ECPAS: variants seen among roughly 807,000 people sequenced by gnomAD.
ECPAS encodes Ecm29 proteasome adaptor and scaffold.
Under a neutral mutation model 255.1 loss-of-function variants are expected in ECPAS, and 70 were observed. That is an observed-to-expected ratio of 0.27 (90% CI 0.23 to 0.33). The LOEUF (loss-of-function observed/expected upper bound fraction) is 0.33. Among genes scored for constraint, ECPAS ranks in the 10% least tolerant of loss-of-function variants. The pLI is 1.00. For synonymous variants in ECPAS, 784 were observed against 775.0 expected (o/e 1.01, Z -0.19); for missense variants, 1,817 against 2,206.4 (o/e 0.82, Z 3.54).
At chr9:111,439,430 G>C (rs776772114) in intron 6 of ECPAS, among the ~76,000 whole-genome samples, 6 of 151,972 alleles carry the variant, frequency 3.9e-5, no homozygotes, top group Admixed American at 6.6e-5. Context: ...CATGAGGGCT[G>C]ACTAATTTTT....
chr9:111,419,851 T>C (rs1246726861), intron 16 of ECPAS, among the ~76,000 whole-genome samples, 166 bp downstream of exon 16: 5 of 150,636 alleles, frequency 3.3e-5, no homozygotes, highest in African/African-American at 1.2e-4. Flanking sequence ...ACTATATAAA[T>C]ATATAGGTAT....
chr9:111,395,373 CAAT>C (rs1308862243), intron 25 of ECPAS, among the ~76,000 whole-genome samples: 5 of 152,156 alleles, frequency 3.3e-5, no homozygotes, highest in Admixed American at 2.6e-4. Context: ...CTGTAACCAA[CAAT>C]GACATCCAAA....
At chr9:111,449,741 GC>G (rs2098257812) in intron 3 of ECPAS, among the ~76,000 whole-genome samples, 1 of 152,090 alleles carries the variant, frequency 6.6e-6, no homozygotes, top group African/African-American at 2.4e-5. Flanking sequence ...TCTTTCTCCA[GC>G]CAACAGCTAG....
chr9:111,381,049 C>T (rs1334140512), intron 35 of ECPAS, among the ~76,000 whole-genome samples: 1 of 152,226 alleles, frequency 6.6e-6, no homozygotes, highest in Non-Finnish European at 1.5e-5. Context: ...GCACTTTAAA[C>T]TTCGTTTAAG....
At chr9:111,403,191 G>GAAAAA (rs34002065) in intron 24 of ECPAS, among the ~76,000 whole-genome samples, 1 of 120,860 alleles carries the variant, frequency 8.3e-6, no homozygotes, top group Non-Finnish European at 1.7e-5. Context: ...CATCTCTACT[G>GAAAAA]AAAAAAAAAA....
intron 34 of ECPAS, among the ~76,000 whole-genome samples, chr9:111,383,960 TG>T (rs2098143827): frequency 9.9e-6 from 1 of 100,934 alleles, no homozygotes; most frequent in African/African-American, 4.2e-5. Flanking sequence ...AAAGAAGTTT[TG>T]AAGTGTTATC....
At chr9:111,459,882 T>C (rs1311801047) in intron 2 of ECPAS, among the ~76,000 whole-genome samples, 1 of 152,124 alleles carries the variant, frequency 6.6e-6, no homozygotes, top group Non-Finnish European at 1.5e-5. Context: ...TCATAACTTC[T>C]TCCAGAGAAG....
At chr9:111,393,167 G>A (rs2098162767) in intron 27 of ECPAS, among the ~76,000 whole-genome samples, 1 of 152,200 alleles carries the variant, frequency 6.6e-6, no homozygotes, top group African/African-American at 2.4e-5. Flanking sequence ...TGCAGCGACA[G>A]ATTATCCATG....
chr9:111,372,327 C>G, intron 42 of ECPAS, 102 bp downstream of exon 42: 1 of 1,112,764 alleles, frequency 9.0e-7, no homozygotes. Flanking sequence ...TATTAAGGTC[C>G]TGGGAAAGTA....
intron 1 of ECPAS, among the ~76,000 whole-genome samples, chr9:111,477,991 C>G (rs1228956652): frequency 2.0e-5 from 3 of 150,830 alleles, no homozygotes; most frequent in Non-Finnish European, 4.4e-5. Context: ...GTCTTGACTT[C>G]CTGGGTGCAA....
intron 20 of ECPAS, 100 bp downstream of exon 20, chr9:111,413,795 G>T: frequency 1.6e-6 from 1 of 623,124 alleles, no homozygotes; most frequent in Non-Finnish European, 2.6e-6. Flanking sequence ...CGACCTAAAG[G>T]CAGAAAAGGT....
At chr9:111,374,142 A>G (rs1236671764) in intron 38 of ECPAS, 104 bp from the exon 39 acceptor site, 2 of 809,236 alleles carry the variant, frequency 2.5e-6, no homozygotes, top group Non-Finnish European at 4.3e-6. Flanking sequence ...AAATACATGA[A>G]GCCTAATACC....
At chr9:111,417,016 C>T (rs947308581) in intron 17 of ECPAS, among the ~76,000 whole-genome samples, 2 of 152,184 alleles carry the variant, frequency 1.3e-5, no homozygotes, top group Admixed American at 6.5e-5. Flanking sequence ...TACCCTAAAG[C>T]GTGCCCTTAA....
intron 2 of ECPAS, among the ~76,000 whole-genome samples, chr9:111,456,536 T>C (rs1321622029): frequency 6.6e-6 from 1 of 152,250 alleles, no homozygotes; most frequent in Non-Finnish European, 1.5e-5. Context: ...AAACGTTCAC[T>C]AGAATGTGTC....
chr9:111,393,765 GA>G, intron 26 of ECPAS, 31 bp from the exon 27 acceptor site: 3 of 1,407,622 alleles, frequency 2.1e-6, no homozygotes, highest in Non-Finnish European at 3.0e-6. Flanking sequence ...TTAGAACACT[GA>G]AACTCTACCT....
intron 4 of ECPAS, among the ~76,000 whole-genome samples, chr9:111,442,684 A>T (rs189101625): frequency 6.6e-6 from 1 of 152,212 alleles, no homozygotes; most frequent in Non-Finnish European, 1.5e-5. Context: ...TCATATATGC[A>T]ATTTCTTATC....
chr9:111,466,213 C>G (rs2098279359), intron 2 of ECPAS, among the ~76,000 whole-genome samples: 1 of 151,942 alleles, frequency 6.6e-6, no homozygotes, highest in Non-Finnish European at 1.5e-5. Context: ...TTTTGGGAGG[C>G]CGAGGTAAGT....
chr9:111,477,743 T>C (rs758455826), intron 1 of ECPAS, among the ~76,000 whole-genome samples: 1 of 152,122 alleles, frequency 6.6e-6, no homozygotes, highest in Non-Finnish European at 1.5e-5. Context: ...AGTTGATACA[T>C]GCAAAACAAT....
At chr9:111,366,662 G>A (rs1179802606) in intron 46 of ECPAS, 35 bp from the exon 47 acceptor site, 1 of 1,386,842 alleles carries the variant, frequency 7.2e-7, no homozygotes, top group Non-Finnish European at 1.0e-6. Flanking sequence ...CAGAGCAGGA[G>A]ACAGTATAAA....
Sources: allele counts gnomAD v4.1 joint callset (sites outside exome capture counted in the v4.1 genomes callset), GRCh38; gene constraint gnomAD v4.1.1; transcripts MANE v1.5; gene names NCBI Gene and HGNC (gene_info 2026-07-23, HGNC 2026-07-21).